BTG4: variants seen among roughly 807,000 people sequenced by gnomAD.
BTG4 encodes BTG anti-proliferation factor 4, also known as protein BTG4.
A neutral mutation model predicts 19.3 loss-of-function variants in BTG4; 10 were observed. That is an observed-to-expected ratio of 0.52 (90% CI 0.32 to 0.88). The LOEUF is 0.88. Among genes scored for constraint, BTG4 ranks in the 40% least tolerant of loss-of-function variants. The pLI, the probability that BTG4 is intolerant of heterozygous loss-of-function variation, is 0.04. For synonymous variants in BTG4, 91 were observed against 95.7 expected, an observed-to-expected ratio of 0.95 and a Z score of 0.29; for missense variants, 238 against 281.9, an observed-to-expected ratio of 0.84 and a Z score of 1.11.
chr11:111,418,554 C>T, the BTG4 span, among the ~76,000 whole-genome samples: 19 of 152,286 alleles, frequency 1.2e-4, no homozygotes, highest in East Asian at 9.6e-4. Context: ...TTCCAGAGGG[C>T]GGGACCAACG....
the BTG4 span, among the ~76,000 whole-genome samples, chr11:111,446,937 C>T: frequency 4.6e-5 from 7 of 152,136 alleles, no homozygotes; most frequent in African/African-American, 1.7e-4. Context: ...GCTGCATATC[C>T]AAATGCACTC....
intron 1 of BTG4, among the ~76,000 whole-genome samples, chr11:111,510,772 T>G (rs139443755): frequency 3.9e-5 from 6 of 152,360 alleles, no homozygotes; most frequent in African/African-American, 1.2e-4. Flanking sequence ...CTTTTACATA[T>G]GAGTTTTATT....
At chr11:111,389,320 G>A in the BTG4 span, among the ~76,000 whole-genome samples, 5 of 152,358 alleles carry the variant, frequency 3.3e-5, no homozygotes, top group Non-Finnish European at 7.3e-5. Context: ...AGGAAAGAGT[G>A]AGAAAGAGAT....
the BTG4 span, among the ~76,000 whole-genome samples, chr11:111,410,418 G>A: frequency 6.6e-6 from 1 of 152,160 alleles, no homozygotes. Context: ...CTAGGAATGA[G>A]GCTTTGGCAG....
the BTG4 span, among the ~76,000 whole-genome samples, chr11:111,444,716 T>C: frequency 6.6e-6 from 1 of 151,952 alleles, no homozygotes; most frequent in Non-Finnish European, 1.5e-5. Context: ...ATTTAAAAAA[T>C]AAAAATTAAA....
At chr11:111,393,165 T>C in the BTG4 span, among the ~76,000 whole-genome samples, 1 of 152,150 alleles carries the variant, frequency 6.6e-6, no homozygotes, top group Non-Finnish European at 1.5e-5. Flanking sequence ...CCCCCAAGTT[T>C]CCTCCAAATC....
upstream of BTG4, chr11:111,514,696 T>A: frequency 1.0e-6 from 1 of 980,526 alleles, no homozygotes; most frequent in Non-Finnish European, 1.4e-6. Flanking sequence ...CGGCAGGGGC[T>A]GGTACCAACT....
At chr11:111,459,848 A>G in the BTG4 span, 1 of 152,482 alleles carries the variant, frequency 6.6e-6, no homozygotes, top group African/African-American at 2.4e-5. Flanking sequence ...GCTCTGGGAG[A>G]GAAAACCCCC....
the BTG4 span, among the ~76,000 whole-genome samples, chr11:111,394,405 T>G: frequency 6.6e-6 from 1 of 152,216 alleles, no homozygotes; most frequent in Non-Finnish European, 1.5e-5. Context: ...TGGCCGTGAA[T>G]AAGTCTCACA....
the BTG4 span, chr11:111,398,124 G>C: frequency 6.6e-6 from 1 of 152,246 alleles, no homozygotes; most frequent in South Asian, 2.1e-4. Flanking sequence ...TGCCGCTTTA[G>C]GTCAATCATC....
At chr11:111,435,721 G>A in the BTG4 span, among the ~76,000 whole-genome samples, 3 of 152,136 alleles carry the variant, frequency 2.0e-5, no homozygotes, top group African/African-American at 4.8e-5. Context: ...GAGATGTTGG[G>A]GAAGATCTAT....
At chr11:111,480,164 C>T (rs1864647733) in intron 5 of BTG4, among the ~76,000 whole-genome samples, 1 of 151,942 alleles carries the variant, frequency 6.6e-6, no homozygotes, top group African/African-American at 2.4e-5. Flanking sequence ...ACTATGCAAA[C>T]ATTAATCAAA....
the BTG4 span, among the ~76,000 whole-genome samples, chr11:111,400,336 G>A: frequency 3.3e-5 from 5 of 152,286 alleles, no homozygotes; most frequent in Admixed American, 6.5e-5. Context: ...TGAGGAAAGC[G>A]TATTGCATCT....
chr11:111,454,347 C>T, the BTG4 span: 10 of 454,364 alleles, frequency 2.2e-5, no homozygotes, highest in African/African-American at 6.0e-5. Context: ...CTCAGCCACA[C>T]GAAGGAAGAG....
chr11:111,454,111 C>T, the BTG4 span: 2 of 335,482 alleles, frequency 6.0e-6, no homozygotes, highest in Non-Finnish European at 1.2e-5. Context: ...AAGAACTACA[C>T]TTTCAGTAGC....
At chr11:111,429,115 A>G in the BTG4 span, among the ~76,000 whole-genome samples, 1 of 152,232 alleles carries the variant, frequency 6.6e-6, no homozygotes, top group Admixed American at 6.5e-5. Context: ...CTTCCAGGAT[A>G]GTTCCAATGT....
chr11:111,458,971 G>A, the BTG4 span, among the ~76,000 whole-genome samples: 5 of 152,318 alleles, frequency 3.3e-5, no homozygotes, highest in Admixed American at 2.6e-4. Context: ...GCCGGGCACG[G>A]TGGCTCACGC....
chr11:111,433,316 T>C, the BTG4 span, among the ~76,000 whole-genome samples: 2 of 152,204 alleles, frequency 1.3e-5, no homozygotes, highest in Non-Finnish European at 1.5e-5. Flanking sequence ...GGATTCCCTA[T>C]TTAATAAATG....
chr11:111,398,681 G>GTGC, the BTG4 span, among the ~76,000 whole-genome samples: 9 of 152,234 alleles, frequency 5.9e-5, no homozygotes, highest in Non-Finnish European at 1.2e-4. Context: ...CCAGGTGATG[G>GTGC]TGCTGCTGCT....
Sources: allele counts gnomAD v4.1 joint callset (sites outside exome capture counted in the v4.1 genomes callset), GRCh38; gene constraint gnomAD v4.1.1; transcripts MANE v1.5; gene names NCBI Gene and HGNC (gene_info 2026-07-23, HGNC 2026-07-21).